SPECC1: variants seen among roughly 807,000 people sequenced by gnomAD.
The protein encoded by SPECC1 is sperm antigen with calponin homology and coiled-coil domains 1, also known as cytospin-B.
In SPECC1, 62 loss-of-function variants were observed where a neutral mutation model predicts 104.1. The ratio of observed to expected loss-of-function variants is 0.60; its 90% CI spans 0.49 to 0.74. SPECC1 has a LOEUF of 0.74. Ranked by LOEUF, SPECC1 falls within the 30% of genes least tolerant of loss-of-function variation. The pLI is 0.00. For synonymous variants in SPECC1, 513 were observed against 501.6 expected, an observed-to-expected ratio of 1.02 and a Z score of -0.30; for missense variants, 1,306 against 1,310.5, an observed-to-expected ratio of 1.00 and a Z score of 0.05.
At chr17:20,059,878 C>A (rs1213288589) in intron 1 of SPECC1, among the ~76,000 whole-genome samples, 2 of 152,078 alleles carry the variant, frequency 1.3e-5, no homozygotes, top group Non-Finnish European at 2.9e-5. Context: ...CAAAACAAAA[C>A]AAAGCAAAAC....
At chr17:20,309,815 CTT>C (rs763244105) in intron 14 of SPECC1, among the ~76,000 whole-genome samples, 51,793 of 101,714 alleles carry the variant, frequency 0.51, 10,000 homozygotes, top group East Asian at 0.68. Flanking sequence ...TTCTCCTTTT[CTT>C]TTTTTTTTTT....
intron 3 of SPECC1, among the ~76,000 whole-genome samples, chr17:20,124,196 C>T (rs1039052754): frequency 1.3e-5 from 2 of 152,048 alleles, no homozygotes; most frequent in African/African-American, 4.8e-5. Flanking sequence ...ATGCCAGGTC[C>T]TGCTGTGTGA....
intron 12 of SPECC1, among the ~76,000 whole-genome samples, chr17:20,294,255 T>C (rs1433575749): frequency 1.3e-5 from 2 of 152,214 alleles, no homozygotes; most frequent in Admixed American, 1.3e-4. Flanking sequence ...GTGTTGGGAA[T>C]AGAGGCGTGA....
At chr17:20,072,049 T>G (rs529482714) in intron 1 of SPECC1, among the ~76,000 whole-genome samples, 1 of 152,310 alleles carries the variant, frequency 6.6e-6, no homozygotes, top group Admixed American at 6.5e-5. Flanking sequence ...CCACGGCCAA[T>G]GGGTTGGACA....
intron 12 of SPECC1, among the ~76,000 whole-genome samples, chr17:20,286,463 A>G (rs964418367): frequency 6.6e-6 from 1 of 152,090 alleles, no homozygotes; most frequent in African/African-American, 2.4e-5. Flanking sequence ...TTCTGTGAGC[A>G]TTGAGGACTG....
intron 12 of SPECC1, among the ~76,000 whole-genome samples, chr17:20,279,309 C>CT (rs558884865): frequency 0.056 from 7,358 of 131,708 alleles, 246 homozygotes; most frequent in Non-Finnish European, 0.085. Context: ...ACTTTTCTTT[C>CT]TTTTTTTTTT....
At chr17:20,134,037 A>T (rs532026189) in intron 3 of SPECC1, among the ~76,000 whole-genome samples, 1 of 151,988 alleles carries the variant, frequency 6.6e-6, no homozygotes, top group African/African-American at 2.4e-5. Flanking sequence ...CACACATTAT[A>T]TAAGTATTAC....
At chr17:20,247,986 G>C (rs559016132) in intron 9 of SPECC1, among the ~76,000 whole-genome samples, 20 of 152,310 alleles carry the variant, frequency 1.3e-4, no homozygotes, top group African/African-American at 4.6e-4. Flanking sequence ...GTTTCTGCCA[G>C]AATCGGGAAG....
intron 1 of SPECC1, among the ~76,000 whole-genome samples, chr17:20,018,781 A>G (rs1217586682): frequency 6.6e-6 from 1 of 152,204 alleles, no homozygotes; most frequent in Non-Finnish European, 1.5e-5. Context: ...CACAGGATGT[A>G]TGTGCTTAAC....
At chr17:20,297,621 C>T (rs1486761497) in intron 13 of SPECC1, among the ~76,000 whole-genome samples, 4 of 152,162 alleles carry the variant, frequency 2.6e-5, no homozygotes, top group African/African-American at 7.2e-5. Context: ...CACAACTGTT[C>T]AACTCTACCA....
chr17:20,302,838 C>G (rs1274954044), intron 13 of SPECC1, among the ~76,000 whole-genome samples: 1 of 142,048 alleles, frequency 7.0e-6, no homozygotes, highest in Admixed American at 7.2e-5. Context: ...TGGGGGATCC[C>G]TTGAGCCCAG....
At chr17:20,251,736 C>G (rs1025549506) in intron 9 of SPECC1, among the ~76,000 whole-genome samples, 2 of 152,198 alleles carry the variant, frequency 1.3e-5, no homozygotes, top group Admixed American at 1.3e-4. Context: ...ATGAAAATAG[C>G]TAAGATCTAC....
At chr17:20,147,580 A>AG (rs1448118311) in intron 3 of SPECC1, among the ~76,000 whole-genome samples, 1 of 152,208 alleles carries the variant, frequency 6.6e-6, no homozygotes, top group African/African-American at 2.4e-5. Flanking sequence ...AGCTAGAGGA[A>AG]GAAGTGGGTG....
chr17:20,235,827 C>G (rs551333581), intron 7 of SPECC1, among the ~76,000 whole-genome samples: 1 of 152,106 alleles, frequency 6.6e-6, no homozygotes, highest in African/African-American at 2.4e-5. Context: ...GTCTGTGATT[C>G]GAATGTGTTT....
At chr17:20,020,414 C>G (rs888068783) in intron 1 of SPECC1, among the ~76,000 whole-genome samples, 5 of 151,896 alleles carry the variant, frequency 3.3e-5, no homozygotes, top group African/African-American at 1.2e-4. Flanking sequence ...CGGCTCCCTG[C>G]AACCTCCGCC....
At chr17:20,036,759 A>G (rs977640153) in intron 1 of SPECC1, among the ~76,000 whole-genome samples, 2 of 152,144 alleles carry the variant, frequency 1.3e-5, no homozygotes, top group African/African-American at 4.8e-5. Flanking sequence ...GCAAACAGGA[A>G]CAGTTTTATT....
chr17:20,222,533 TTTTG>T (rs1353679358), intron 4 of SPECC1, among the ~76,000 whole-genome samples: 4 of 152,206 alleles, frequency 2.6e-5, no homozygotes, highest in African/African-American at 9.7e-5. Flanking sequence ...CTTATTAACT[TTTTG>T]TTGTTGTCTG....
Position 20,040,367 on chromosome 17 carries a change from TAAGAG to T in SPECC1, c.-22+30944_-22+30948del, listed in dbSNP as rs147560918. ...AACCATCAATATAATTTAGAAGTCT[TAAGAG>T]GAGATAGAAATTTTATTGTAATTAC... On this transcript the variant is annotated intron_variant, in intron 1 of 14. Coordinates refer to ENST00000395527, the MANE Select transcript of SPECC1 (RefSeq NM_001243439.2). Among the ~76,000 whole-genome samples the T allele has an allele frequency of 8.7e-3, 1,324 of 152,330 alleles. 8 individuals are homozygous for T. The highest frequency in any genetic ancestry group is 0.013 in the Non-Finnish European group (898 of 68,024).
At chr17:20,234,006 G>A (rs985800411) in intron 7 of SPECC1, among the ~76,000 whole-genome samples, 1 of 152,186 alleles carries the variant, frequency 6.6e-6, no homozygotes. Context: ...CTGAGACACA[G>A]GCCAGGTTCT....
Sources: gnomAD v4.1 joint callset for allele counts (sites outside exome capture counted in the v4.1 genomes callset) on GRCh38, gnomAD v4.1.1 for gene constraint, MANE v1.5 for transcripts, NCBI Gene and HGNC (gene_info 2026-07-23, HGNC 2026-07-21) for gene names.